ELOVL6: variants seen among roughly 807,000 people sequenced by gnomAD.
The protein encoded by ELOVL6 is very long chain fatty acid elongase 6.
Under a neutral mutation model 31.7 loss-of-function variants are expected in ELOVL6, and 8 were observed. The ratio of observed to expected loss-of-function variants is 0.25; its 90% CI spans 0.15 to 0.45. The LOEUF is 0.45. Among genes scored for constraint, ELOVL6 ranks in the 20% least tolerant of loss-of-function variants. The pLI is 1.00. For synonymous variants in ELOVL6, 101 were observed against 117.7 expected, an observed-to-expected ratio of 0.86 and a Z score of 0.92; for missense variants, 126 against 326.4, an observed-to-expected ratio of 0.39 and a Z score of 4.73.
intron 2 of ELOVL6, among the ~76,000 whole-genome samples, chr4:110,096,676 T>C (rs1363106197): frequency 6.6e-6 from 1 of 152,050 alleles, no homozygotes. Context: ...ATAGAAAAAA[T>C]TCCTGGTGAG....
intron 1 of ELOVL6, among the ~76,000 whole-genome samples, chr4:110,168,045 G>GATTA (rs1344908237): frequency 2.6e-5 from 4 of 152,082 alleles, no homozygotes; most frequent in African/African-American, 9.7e-5. Flanking sequence ...TACTACTTAA[G>GATTA]ATTAATATTT....
chr4:110,142,011 T>C (rs1055729376), intron 1 of ELOVL6, among the ~76,000 whole-genome samples: 3 of 150,792 alleles, frequency 2.0e-5, no homozygotes, highest in Non-Finnish European at 4.4e-5. Flanking sequence ...ATCATTTGTT[T>C]CTGGGATCTT....
chr4:110,185,022 T>C (rs1177499635), intron 1 of ELOVL6, among the ~76,000 whole-genome samples: 1 of 152,204 alleles, frequency 6.6e-6, no homozygotes, highest in Non-Finnish European at 1.5e-5. Context: ...ATAAACCCTA[T>C]GTAAGTCTGA....
intron 2 of ELOVL6, among the ~76,000 whole-genome samples, chr4:110,067,336 A>G (rs1366675010): frequency 6.6e-6 from 1 of 152,238 alleles, no homozygotes; most frequent in East Asian, 1.9e-4. Flanking sequence ...CAAAAATTAC[A>G]TATCACATTA....
At chr4:110,054,739 T>G (rs1175329184) in intron 3 of ELOVL6, among the ~76,000 whole-genome samples, 4 of 152,166 alleles carry the variant, frequency 2.6e-5, no homozygotes, top group Non-Finnish European at 5.9e-5. Flanking sequence ...GGTACAATTC[T>G]GGAGTTAAGA....
intron 2 of ELOVL6, among the ~76,000 whole-genome samples, chr4:110,077,244 G>T (rs1326512570): frequency 6.6e-6 from 1 of 152,166 alleles, no homozygotes; most frequent in African/African-American, 2.4e-5. Context: ...GAGAGTAGTG[G>T]TTCTCCCAGC....
At chr4:110,057,279 C>T (rs1755012471) in intron 3 of ELOVL6, among the ~76,000 whole-genome samples, 1 of 151,768 alleles carries the variant, frequency 6.6e-6, no homozygotes, top group Non-Finnish European at 1.5e-5. Context: ...CAGTCTCCAG[C>T]CATAGTCTAG....
At chr4:110,081,340 C>T (rs549702766) in intron 2 of ELOVL6, among the ~76,000 whole-genome samples, 1 of 152,304 alleles carries the variant, frequency 6.6e-6, no homozygotes, top group South Asian at 2.1e-4. Context: ...TAACTTCAAA[C>T]TATACTACAA....
intron 2 of ELOVL6, among the ~76,000 whole-genome samples, chr4:110,068,971 G>A (rs1197386734): frequency 6.6e-6 from 1 of 152,002 alleles, no homozygotes; most frequent in Non-Finnish European, 1.5e-5. Flanking sequence ...GGCGAAACCT[G>A]TCTCTACTAA....
chr4:110,179,455 G>A (rs1425181684), intron 1 of ELOVL6, among the ~76,000 whole-genome samples: 2 of 152,066 alleles, frequency 1.3e-5, no homozygotes, highest in African/African-American at 4.8e-5. Context: ...GCAGTGAGCC[G>A]AAATTACGCC....
intron 1 of ELOVL6, among the ~76,000 whole-genome samples, chr4:110,106,486 G>A (rs1463966356): frequency 6.6e-6 from 1 of 152,132 alleles, no homozygotes; most frequent in Non-Finnish European, 1.5e-5. Context: ...AGAACTGAGG[G>A]TTCCTTCCCT....
intron 1 of ELOVL6, among the ~76,000 whole-genome samples, chr4:110,191,737 G>A (rs1380104075): frequency 6.6e-6 from 1 of 152,056 alleles, no homozygotes; most frequent in Non-Finnish European, 1.5e-5. Flanking sequence ...ACCTACTCAG[G>A]AGGCTGAGGC....
At chr4:110,111,197 T>A (rs926171828) in intron 1 of ELOVL6, among the ~76,000 whole-genome samples, 12 of 152,194 alleles carry the variant, frequency 7.9e-5, no homozygotes, top group Non-Finnish European at 1.6e-4. Context: ...TGTCACCTTT[T>A]AAAAAATCTT....
At chr4:110,193,971 G>A (rs1366397085) in intron 1 of ELOVL6, among the ~76,000 whole-genome samples, 1 of 152,204 alleles carries the variant, frequency 6.6e-6, no homozygotes. Flanking sequence ...GGTGGGCACC[G>A]TGTCAGCCGA....
intron 1 of ELOVL6, among the ~76,000 whole-genome samples, chr4:110,191,565 C>T (rs1480372200): frequency 1.3e-5 from 2 of 152,172 alleles, no homozygotes; most frequent in Admixed American, 6.5e-5. Context: ...ATCATTAAGA[C>T]AATGTTTGGT....
chr4:110,077,454 C>T (rs1484499661), intron 2 of ELOVL6, among the ~76,000 whole-genome samples: 1 of 152,180 alleles, frequency 6.6e-6, no homozygotes, highest in Non-Finnish European at 1.5e-5. Flanking sequence ...TCTGCAGCCT[C>T]CACTGCTGAT....
chr4:110,097,256 G>C (rs1198539701), intron 2 of ELOVL6, among the ~76,000 whole-genome samples: 4 of 142,688 alleles, frequency 2.8e-5, no homozygotes, highest in Non-Finnish European at 6.0e-5. Context: ...AGTGAGCCAA[G>C]ATCGTGCCAC....
At chr4:110,136,361 TATA>T (rs1313315056) in intron 1 of ELOVL6, among the ~76,000 whole-genome samples, 1 of 152,220 alleles carries the variant, frequency 6.6e-6, no homozygotes, top group Non-Finnish European at 1.5e-5. Context: ...TGGGTTTGTC[TATA>T]ATAAAATGTT....
intron 1 of ELOVL6, among the ~76,000 whole-genome samples, chr4:110,110,018 A>C (rs1200658233): frequency 6.6e-6 from 1 of 152,188 alleles, no homozygotes; most frequent in East Asian, 1.9e-4. Context: ...AGTGCAGAGA[A>C]AGTTTTCATG....
Sources: allele counts gnomAD v4.1 joint callset (sites outside exome capture counted in the v4.1 genomes callset), GRCh38; gene constraint gnomAD v4.1.1; transcripts MANE v1.5; gene names NCBI Gene and HGNC (gene_info 2026-07-23, HGNC 2026-07-21).